PGCKA1: variants seen among roughly 807,000 people sequenced by gnomAD.
PGCKA1 encodes the protein PDCD10 and GCKIII kinases associated 1.
the PGCKA1 span, among the ~76,000 whole-genome samples, chr4:37,510,573 C>G: frequency 6.6e-6 from 1 of 152,102 alleles, no homozygotes; most frequent in African/African-American, 2.4e-5. Flanking sequence ...GTCTTTTTCT[C>G]TCTCTGCTGA....
chr4:37,477,212 G>A, the PGCKA1 span, among the ~76,000 whole-genome samples: 1 of 152,152 alleles, frequency 6.6e-6, no homozygotes, highest in African/African-American at 2.4e-5. Flanking sequence ...TTGTTCAGCC[G>A]TAAAAAGGAA....
At chr4:37,569,296 C>G in the PGCKA1 span, among the ~76,000 whole-genome samples, 1 of 151,956 alleles carries the variant, frequency 6.6e-6, no homozygotes, top group Non-Finnish European at 1.5e-5. Context: ...CTCCCAGGTT[C>G]AAGCAATTCT....
chr4:37,498,996 C>CAATA, the PGCKA1 span, among the ~76,000 whole-genome samples: 1 of 152,128 alleles, frequency 6.6e-6, no homozygotes, highest in African/African-American at 2.4e-5. Flanking sequence ...GAAGTATGTT[C>CAATA]CTTCAATGCC....
At chr4:37,509,720 C>A in the PGCKA1 span, among the ~76,000 whole-genome samples, 1 of 150,704 alleles carries the variant, frequency 6.6e-6, no homozygotes, top group African/African-American at 2.4e-5. Flanking sequence ...CAGCACTTCG[C>A]GAGGCCGAGG....
the PGCKA1 span, among the ~76,000 whole-genome samples, chr4:37,571,858 C>T: frequency 6.6e-6 from 1 of 151,986 alleles, no homozygotes; most frequent in African/African-American, 2.4e-5. Flanking sequence ...TCTCGAACTT[C>T]TGACCTCAAG....
chr4:37,536,201 TA>T, the PGCKA1 span, among the ~76,000 whole-genome samples: 10 of 152,130 alleles, frequency 6.6e-5, no homozygotes, highest in Admixed American at 3.9e-4. Flanking sequence ...CTATTTGGGA[TA>T]GGGGCACAGC....
At chr4:37,560,660 C>G in the PGCKA1 span, among the ~76,000 whole-genome samples, 2 of 152,082 alleles carry the variant, frequency 1.3e-5, no homozygotes, top group Admixed American at 1.3e-4. Flanking sequence ...TCAAGAAACT[C>G]ACAGCTTACA....
At chr4:37,572,541 T>C in the PGCKA1 span, among the ~76,000 whole-genome samples, 4 of 152,210 alleles carry the variant, frequency 2.6e-5, no homozygotes, top group Admixed American at 2.6e-4. Flanking sequence ...TTCTGAATCA[T>C]TTTAAGCAGT....
At chr4:37,565,952 C>G in the PGCKA1 span, among the ~76,000 whole-genome samples, 3 of 152,170 alleles carry the variant, frequency 2.0e-5, no homozygotes, top group Non-Finnish European at 4.4e-5. Context: ...AGCCTCCCAG[C>G]CTACATCCTT....
the PGCKA1 span, among the ~76,000 whole-genome samples, chr4:37,561,656 C>T: frequency 1.5e-3 from 227 of 152,300 alleles, 1 homozygote; most frequent in African/African-American, 5.3e-3. Context: ...TGAGTTACTG[C>T]AGTCGACAAT....
the PGCKA1 span, among the ~76,000 whole-genome samples, chr4:37,462,119 A>T: frequency 2.0e-5 from 3 of 150,666 alleles, no homozygotes; most frequent in Admixed American, 1.3e-4. Flanking sequence ...TTTTGCTAAG[A>T]GGTAATTCAA....
the PGCKA1 span, among the ~76,000 whole-genome samples, chr4:37,475,218 A>C: frequency 6.6e-6 from 1 of 152,236 alleles, no homozygotes; most frequent in African/African-American, 2.4e-5. Flanking sequence ...TTTAAGAAAT[A>C]AAATTGAGAA....
the PGCKA1 span, among the ~76,000 whole-genome samples, chr4:37,560,039 C>A: frequency 6.6e-6 from 1 of 152,200 alleles, no homozygotes; most frequent in Non-Finnish European, 1.5e-5. Context: ...GGCTCTAGAT[C>A]ATTCAATACC....
chr4:37,533,083 T>C, the PGCKA1 span, among the ~76,000 whole-genome samples: 1 of 152,108 alleles, frequency 6.6e-6, no homozygotes, highest in African/African-American at 2.4e-5. Flanking sequence ...ATACCACCTG[T>C]ACACCCAATA....
the PGCKA1 span, among the ~76,000 whole-genome samples, chr4:37,520,803 G>C: frequency 2.6e-5 from 4 of 152,050 alleles, no homozygotes; most frequent in African/African-American, 7.2e-5. Flanking sequence ...ATTTTTAGTA[G>C]AGACAGGATT....
the PGCKA1 span, among the ~76,000 whole-genome samples, chr4:37,525,095 G>A: frequency 7.9e-5 from 12 of 152,186 alleles, no homozygotes; most frequent in South Asian, 2.1e-4. Context: ...CCCTGCAAAC[G>A]TGTGTATGTT....
chr4:37,456,399 A>G, the PGCKA1 span, among the ~76,000 whole-genome samples: 1 of 152,248 alleles, frequency 6.6e-6, no homozygotes, highest in Non-Finnish European at 1.5e-5. Flanking sequence ...AGATTATCAA[A>G]TAATCCTTTC....
the PGCKA1 span, among the ~76,000 whole-genome samples, chr4:37,476,168 T>C: frequency 1.3e-5 from 2 of 152,170 alleles, no homozygotes; most frequent in Non-Finnish European, 2.9e-5. Flanking sequence ...GAAACTGGTC[T>C]CGTTCTTGCA....
At chr4:37,495,242 G>A in the PGCKA1 span, among the ~76,000 whole-genome samples, 1 of 152,180 alleles carries the variant, frequency 6.6e-6, no homozygotes, top group Admixed American at 6.5e-5. Context: ...AACAGAAGCT[G>A]GAGAGGATGT....
Sources: allele counts gnomAD v4.1 joint callset (sites outside exome capture counted in the v4.1 genomes callset), GRCh38; gene constraint gnomAD v4.1.1; transcripts MANE v1.5; gene names NCBI Gene and HGNC (gene_info 2026-07-23, HGNC 2026-07-21).